The following PDGFC variants were observed in gnomAD, a reference collection of about 807,000 sequenced individuals.
PDGFC encodes the protein platelet-derived growth factor C.
In PDGFC, 12 loss-of-function variants were observed where a neutral mutation model predicts 35.5. The observed-to-expected ratio is 0.34, with a 90% CI of 0.22 to 0.55. The LOEUF is 0.55. Among genes scored for constraint, PDGFC ranks in the 20% least tolerant of loss-of-function variants. PDGFC has a pLI of 0.91. For missense variants in PDGFC, 322 were observed against 412.4 expected (o/e 0.78, Z 1.90); for synonymous variants, 159 against 148.8 (o/e 1.07, Z -0.50).
intron 1 of PDGFC, chr4:156,876,572 A>G (rs1730121826): frequency 6.6e-6 from 1 of 152,216 alleles, no homozygotes; most frequent in Non-Finnish European, 1.5e-5. Flanking sequence ...ATATCGCATG[A>G]AAATGAAAAA....
Position 156,889,667 on chromosome 4 carries a change from G to A in PDGFC, c.119-39251C>T, listed in dbSNP as rs73856779. ...ACTCCACTCCACACAATTCTACAAA[G>A]TGTAATGGAACAGTTTAATACAGCA... On this transcript the variant is annotated intron_variant, in intron 1 of 5. Transcript: ENST00000502773. 7.8e-3 allele frequency among the ~76,000 whole-genome samples: 1,184 copies of A among 152,308 alleles called. 9 individuals carry two copies. The highest frequency in any genetic ancestry group is 0.027 in the African/African-American group (1,111 of 41,572).
chr4:156,915,030 G>C (rs1484589664), intron 1 of PDGFC, among the ~76,000 whole-genome samples: 1 of 152,032 alleles, frequency 6.6e-6, no homozygotes, highest in East Asian at 1.9e-4. Context: ...CCAACCTACT[G>C]AATATGGTGG....
intron 2 of PDGFC, 69 bp from the exon 3 acceptor site, chr4:156,811,086 T>C (rs1731921803): frequency 2.9e-6 from 3 of 1,042,216 alleles, no homozygotes; most frequent in Non-Finnish European, 4.2e-6. Flanking sequence ...AAGTTTCATG[T>C]CTGTGGGTGC....
At chr4:156,866,749 G>C (rs1011139486) in intron 1 of PDGFC, among the ~76,000 whole-genome samples, 2 of 151,880 alleles carry the variant, frequency 1.3e-5, no homozygotes, top group East Asian at 3.9e-4. Flanking sequence ...CTATATTTAA[G>C]TATTATATAC....
intron 2 of PDGFC, among the ~76,000 whole-genome samples, chr4:156,840,834 T>C (rs1020346646): frequency 2.0e-5 from 3 of 152,202 alleles, no homozygotes; most frequent in African/African-American, 4.8e-5. Context: ...TTTGGAACTT[T>C]ACGATTTGAC....
chr4:156,869,162 G>A (rs1265938068), intron 1 of PDGFC, among the ~76,000 whole-genome samples: 2 of 152,082 alleles, frequency 1.3e-5, no homozygotes, highest in East Asian at 1.9e-4. Flanking sequence ...GGCCAGGTGC[G>A]GTGGCTCATG....
At position 156,933,741 on chromosome 4, in the gene PDGFC, C is replaced by G. The variant is rs1028199209; in HGVS notation, c.118+37045G>C. 7.2e-5 allele frequency among the ~76,000 whole-genome samples: 11 copies of G among 152,204 alleles called. No individual in the cohort carries two copies. In the East Asian group the frequency reaches 2.1e-3, roughly 29 times the overall value. ...TGACTGGATCATAAGAGCATTTTCC[C>G]TCATGTTGTTCTTGTGATAGAGAAT... On this transcript the variant is annotated intron_variant, in intron 1 of 5. Transcript: ENST00000502773.
At chr4:156,962,640 A>G (rs1036223080) in intron 1 of PDGFC, among the ~76,000 whole-genome samples, 2 of 152,162 alleles carry the variant, frequency 1.3e-5, no homozygotes, top group Admixed American at 6.5e-5. Flanking sequence ...CTAATAAAAC[A>G]TTAGACCATT....
At chr4:156,875,406 G>C (rs925725823) in intron 1 of PDGFC, among the ~76,000 whole-genome samples, 1 of 152,100 alleles carries the variant, frequency 6.6e-6, no homozygotes, top group African/African-American at 2.4e-5. Context: ...TAGTTACAGA[G>C]ATGGAAAGGG....
chr4:156,794,640 A>G (rs1351466266), intron 3 of PDGFC, among the ~76,000 whole-genome samples: 1 of 152,086 alleles, frequency 6.6e-6, no homozygotes, highest in Non-Finnish European at 1.5e-5. Flanking sequence ...ATATCTATTT[A>G]TATACCTTCA....
intron 1 of PDGFC, among the ~76,000 whole-genome samples, chr4:156,959,612 A>G (rs1467375150): frequency 2.0e-5 from 3 of 152,076 alleles, no homozygotes; most frequent in African/African-American, 2.4e-5. Flanking sequence ...CCTACATACC[A>G]AAAGTATTTC....
chr4:156,865,628 T>C (rs1002977250), intron 1 of PDGFC, among the ~76,000 whole-genome samples: 1 of 152,092 alleles, frequency 6.6e-6, no homozygotes, highest in Admixed American at 6.6e-5. Flanking sequence ...CTCTACCAAT[T>C]AGAAAACTTC....
intron 3 of PDGFC, among the ~76,000 whole-genome samples, chr4:156,799,395 G>T (rs1279807486): frequency 6.6e-6 from 1 of 151,712 alleles, no homozygotes. Context: ...ATTGCAAAAA[G>T]CCGAAAAAAA....
At chr4:156,934,475 C>T (rs1198948715) in intron 1 of PDGFC, among the ~76,000 whole-genome samples, 1 of 152,108 alleles carries the variant, frequency 6.6e-6, no homozygotes, top group African/African-American at 2.4e-5. Context: ...GAGTGATTTT[C>T]AGGCCTAGCA....
chr4:156,802,806 A>C (rs1368645057), intron 3 of PDGFC, among the ~76,000 whole-genome samples: 2 of 152,152 alleles, frequency 1.3e-5, no homozygotes, highest in Non-Finnish European at 2.9e-5. Flanking sequence ...CAGAATGTCC[A>C]ATCAACTTTT....
intron 1 of PDGFC, among the ~76,000 whole-genome samples, chr4:156,948,100 C>G (rs1196980063): frequency 6.6e-6 from 1 of 150,742 alleles, no homozygotes; most frequent in East Asian, 2.0e-4. Flanking sequence ...TAAATGAAGT[C>G]CATGGTGTGC....
In PDGFC at chr4:156,868,321, G is replaced by A. The variant is rs570768003; in HGVS notation, c.119-17905C>T. On this transcript the variant is annotated intron_variant, in intron 1 of 5. Coordinates refer to ENST00000502773, the MANE Select transcript of PDGFC (RefSeq NM_016205.3). ...GTAATGCAAAATTAATTGTTGAGTC[G>A]GAAACTAAATCTTTCACAGGTCACT... is the stretch of plus-strand genomic sequence containing the variant. Among the ~76,000 whole-genome samples, 363 of 152,162 alleles carry A rather than the reference G, an allele frequency of 2.4e-3. 5 individuals carry two copies. The highest frequency in any genetic ancestry group is 8.4e-4 in the Non-Finnish European group (57 of 67,998).
intron 1 of PDGFC, among the ~76,000 whole-genome samples, chr4:156,959,914 C>A (rs1292453941): frequency 2.0e-5 from 3 of 151,886 alleles, no homozygotes; most frequent in East Asian, 3.9e-4. Flanking sequence ...TCAAAGTTAT[C>A]AGTACAGATT....
intron 3 of PDGFC, among the ~76,000 whole-genome samples, chr4:156,794,887 T>C (rs1473282292): frequency 6.6e-6 from 1 of 152,184 alleles, no homozygotes; most frequent in African/African-American, 2.4e-5. Context: ...ACCGCATGCA[T>C]TTAATTTACG....
Sources: allele counts gnomAD v4.1 joint callset (sites outside exome capture counted in the v4.1 genomes callset), GRCh38; gene constraint gnomAD v4.1.1; transcripts MANE v1.5; gene names NCBI Gene and HGNC (gene_info 2026-07-23, HGNC 2026-07-21).